The following GRAMD4 variants were observed in gnomAD, a reference collection of about 807,000 sequenced individuals.
The protein encoded by GRAMD4 is GRAM domain-containing protein 4.
Under a neutral mutation model 83.9 loss-of-function variants are expected in GRAMD4, and 25 were observed. That is an observed-to-expected ratio of 0.30 (90% CI 0.22 to 0.42). The LOEUF is 0.42. Ranked by LOEUF, GRAMD4 falls within the 10% of genes least tolerant of loss-of-function variation. The probability of loss-of-function intolerance (pLI) is 1.00; values close to 1 mark genes in which losing one functional copy is unlikely to be tolerated. For missense variants in GRAMD4, 593 were observed against 788.7 expected (o/e 0.75, Z 2.97); for synonymous variants, 336 against 320.9 (o/e 1.05, Z -0.50).
rs772705807 is a variant in GRAMD4 at position 46,668,926 on chromosome 22, C to G, written c.1084+18C>G. 3 of 1,392,916 alleles carry G rather than the reference C, an allele frequency of 2.2e-6. No homozygotes were observed. Among genetic ancestry groups the G allele is most frequent in the Non-Finnish European group, 3.1e-6 (3 of 982,524 alleles). The allele number at this position is 1,392,916 out of a possible 1,614,324, so 86.3% of individuals were successfully genotyped here. ...TGCCGTGGGTAAGTAGATGCACCTG[C>G]GGCCTGTAGCTTCAGGAGGAGGGAC... On this transcript the variant is annotated intron_variant, in intron 13 of 18. Transcript: ENST00000406902.
At chr22:46,576,825 AGC>A (rs2081045903), upstream of GRAMD4, among the ~76,000 whole-genome samples, 2 of 147,472 alleles carry the variant, frequency 1.4e-5, no homozygotes, top group African/African-American at 4.9e-5. Context: ...CGCCGTGGCA[AGC>A]GCGCGGACGG....
intron 3 of GRAMD4, among the ~76,000 whole-genome samples, chr22:46,643,002 T>C (rs948124516): frequency 1.4e-5 from 2 of 148,020 alleles, no homozygotes; most frequent in South Asian, 2.2e-4. Context: ...CATTCATCCA[T>C]TCATTTATCC....
intron 1 of GRAMD4, among the ~76,000 whole-genome samples, chr22:46,613,284 C>T (rs2081435687): frequency 6.6e-6 from 1 of 152,232 alleles, no homozygotes; most frequent in African/African-American, 2.4e-5. Context: ...CAGCCTGGGC[C>T]TGGCTTCCGG....
intron 3 of GRAMD4, among the ~76,000 whole-genome samples, chr22:46,639,199 ACT>A (rs2081937158): frequency 6.9e-6 from 1 of 144,866 alleles, no homozygotes; most frequent in African/African-American, 2.6e-5. Flanking sequence ...GTGGTGGTTA[ACT>A]CTGTGTATGC....
Position 46,678,324 on chromosome 22 carries a change from C to G in GRAMD4, c.*1073C>G. 1.0e-6 allele frequency: 1 copy of G among 985,528 alleles called. No individual in the cohort carries two copies. Among genetic ancestry groups the G allele is most frequent in the Non-Finnish European group, 1.2e-6 (1 of 829,994 alleles). 61.0% of individuals were successfully genotyped at this position (985,528 alleles called of 1,614,324 possible). A position where few individuals can be genotyped will look rare whatever the true frequency, so the allele number is the denominator to read the frequency against. On this transcript the variant is annotated 3_prime_UTR_variant, in exon 19 of 19. Transcript: ENST00000406902. Reference sequence around the variant, plus strand: ...CCGAGCCCAGAGGCCTGGGCCTGCACTGCCTGCAGCCGACATGCGACAGCG... The same window carrying G: ...CCGAGCCCAGAGGCCTGGGCCTGCAGTGCCTGCAGCCGACATGCGACAGCG...
At chr22:46,630,150 A>C (rs1407927529) in intron 2 of GRAMD4, among the ~76,000 whole-genome samples, 1 of 151,286 alleles carries the variant, frequency 6.6e-6, no homozygotes, top group African/African-American at 2.4e-5. Flanking sequence ...TCAGCCTCCT[A>C]AGTAGCTGGG....
At chr22:46,680,547 C>T (rs574285009), downstream of GRAMD4, among the ~76,000 whole-genome samples, 52 of 142,042 alleles carry the variant, frequency 3.7e-4, no homozygotes, top group Non-Finnish European at 6.5e-4. Flanking sequence ...CACATCTGTC[C>T]GTCCGTCCGT....
chr22:46,673,576 C>G, intron 14 of GRAMD4, 94 bp from the exon 15 acceptor site: 1 of 1,459,620 alleles, frequency 6.9e-7, no homozygotes, highest in Non-Finnish European at 9.3e-7. Flanking sequence ...AAATTTGGAT[C>G]CCAGCTTTTG....
intron 1 of GRAMD4, among the ~76,000 whole-genome samples, chr22:46,601,288 G>C (rs1282868616): frequency 2.0e-5 from 3 of 152,058 alleles, no homozygotes; most frequent in African/African-American, 7.2e-5. Flanking sequence ...GCAGCTGCCA[G>C]GGGGCAAGTG....
Position 46,672,301 on chromosome 22 carries a change from T to C in GRAMD4, c.1085-542T>C, listed in dbSNP as rs9616091. 0.11 allele frequency among the ~76,000 whole-genome samples: 17,375 copies of C among 151,826 alleles called. 1,116 individuals carry two copies. The highest frequency in any genetic ancestry group is 0.18 in the Middle Eastern group (53 of 294). ...GAAAACGGAGCTGGTGGAGGGGAAC[T>C]TGCGAGGGCGTGGCTGGGAGCCGTC... On this transcript the variant is annotated intron_variant, in intron 13 of 18. Coordinates refer to ENST00000406902, the MANE Select transcript of GRAMD4 (RefSeq NM_015124.5). The surrounding 1 kb of genome is among the most constrained non-coding windows in gnomAD (Gnocchi z 4.7).
intron 3 of GRAMD4, among the ~76,000 whole-genome samples, chr22:46,647,834 G>A (rs907284989): frequency 6.6e-6 from 1 of 152,262 alleles, no homozygotes; most frequent in Non-Finnish European, 1.5e-5. Context: ...TGTAGATGAG[G>A]CTACATGGCA....
intron 3 of GRAMD4, among the ~76,000 whole-genome samples, chr22:46,654,016 G>A (rs2082205595): frequency 6.6e-6 from 1 of 152,250 alleles, no homozygotes; most frequent in African/African-American, 2.4e-5. Context: ...GAGCCAGGCG[G>A]ACGCTCCCTT....
At chr22:46,666,764 G>T in intron 9 of GRAMD4, 61 bp from the exon 10 acceptor site, 1 of 1,423,396 alleles carries the variant, frequency 7.0e-7, no homozygotes, top group Non-Finnish European at 9.9e-7. Flanking sequence ...CCAGCGATTC[G>T]ATGCCTTCCC....
chr22:46,657,428 G>T (rs2082260254), intron 3 of GRAMD4, among the ~76,000 whole-genome samples: 1 of 152,176 alleles, frequency 6.6e-6, no homozygotes, highest in Admixed American at 6.5e-5. Context: ...GAGAGGCCGG[G>T]TCCCCGTCTC....
Position 46,621,158 on chromosome 22 carries a change from G to T in GRAMD4, c.-50+593G>T, listed in dbSNP as rs73469113. ...GATGCGCGGCTGCAGCACGCAGGACGGAAGGTGCAGGTGAGACGCAGGTGG... is the reference window on the plus strand; with the variant it reads ...GATGCGCGGCTGCAGCACGCAGGACTGAAGGTGCAGGTGAGACGCAGGTGG... On this transcript the variant is annotated intron_variant, in intron 1 of 18. Coordinates refer to ENST00000406902, the MANE Select transcript of GRAMD4 (RefSeq NM_015124.5). This position sits in a 1 kb window ranked among gnomAD's most constrained non-coding sequence, Gnocchi z 5.8. Among the ~76,000 whole-genome samples the T allele has an allele frequency of 0.01, 1,563 of 152,258 alleles. 28 individuals are homozygous for T. Among genetic ancestry groups the T allele is most frequent in the African/African-American group, 0.036 (1,484 of 41,540 alleles).
At chr22:46,584,644 C>T (rs758922928) in intron 1 of GRAMD4, among the ~76,000 whole-genome samples, 7 of 152,136 alleles carry the variant, frequency 4.6e-5, no homozygotes, top group East Asian at 1.9e-4. Context: ...GCTTCGAGCC[C>T]GGGCTCCCGG....
chr22:46,666,872 T>C lies in GRAMD4; in HGVS notation c.857T>C (p.Val286Ala). The C allele has an allele frequency of 6.3e-7, 1 of 1,594,176 alleles. No homozygotes were observed. Among genetic ancestry groups the C allele is most frequent in the Non-Finnish European group, 8.5e-7 (1 of 1,169,980 alleles). The change falls in exon 10 of 19, where the codon GTG becomes GCG. Residue 286 changes from valine to alanine, a missense_variant and splice_region_variant. Val to Ala is a moderately conservative substitution (Grantham distance 64). Transcript: ENST00000406902. The part of the protein sequence containing the change: ...WSIVPEVSEP[V>A]EPPKEDLTVS... ...ATCGTGCCCGAAGTGTCTGAGCCCG[T>C]GGTAAGTCCCTGGAGGGTGCACGGT...
In GRAMD4 at chr22:46,678,797, G is replaced by A; in HGVS notation, c.*1546G>A. 1 of 986,222 alleles carries A rather than the reference G, an allele frequency of 1.0e-6. No homozygotes were observed. Among genetic ancestry groups the A allele is most frequent in the Non-Finnish European group, 1.2e-6 (1 of 830,060 alleles). The allele number at this position is 986,222 out of a possible 1,614,324, so 61.1% of individuals were successfully genotyped here. On this transcript the variant is annotated 3_prime_UTR_variant, in exon 19 of 19. Transcript: ENST00000406902. ...GGCTGGTTTCACCCCCTTCACGAGG[G>A]GCCGCAGAGTCACACGCTGGTGCCG... is the stretch of plus-strand genomic sequence containing the variant.
chr22:46,629,395 C>T (rs1362032577), intron 2 of GRAMD4, among the ~76,000 whole-genome samples: 4 of 152,154 alleles, frequency 2.6e-5, no homozygotes, highest in Non-Finnish European at 4.4e-5. Context: ...TATTAATGAC[C>T]GTGAAATACT....
Sources: allele counts gnomAD v4.1 joint callset (sites outside exome capture counted in the v4.1 genomes callset), GRCh38; gene constraint gnomAD v4.1.1; non-coding constraint Gnocchi (gnomAD v3.1); transcripts MANE v1.5; gene names NCBI Gene and HGNC (gene_info 2026-07-23, HGNC 2026-07-21).